The following PDE7A variants were observed in gnomAD, a reference collection of about 807,000 sequenced individuals.
PDE7A encodes the protein high affinity 3',5'-cyclic-AMP phosphodiesterase 7A.
In PDE7A, 39 loss-of-function variants were observed where a neutral mutation model predicts 64.3. The ratio of observed to expected loss-of-function variants is 0.61; its 90% confidence interval spans 0.47 to 0.79. The LOEUF (loss-of-function observed/expected upper bound fraction) is 0.79, where lower values mean the gene tolerates loss of function less well. PDE7A is among the 30% of genes least tolerant of loss of function. The probability of loss-of-function intolerance (pLI) is 0.00; values close to 1 mark genes in which losing one functional copy is unlikely to be tolerated. For missense variants in PDE7A, 470 were observed against 582.8 expected (o/e 0.81, Z 1.99); for synonymous variants, 203 against 206.8 (o/e 0.98, Z 0.16).
At chr8:65,814,102 G>A (rs779907774) in intron 1 of PDE7A, among the ~76,000 whole-genome samples, 2 of 151,930 alleles carry the variant, frequency 1.3e-5, no homozygotes, top group Non-Finnish European at 2.9e-5. Flanking sequence ...CATAACCAAT[G>A]CAGTAACACA....
chr8:65,719,708 A>C, intron 12 of PDE7A: 1 of 560,886 alleles, frequency 1.8e-6, no homozygotes, highest in Non-Finnish European at 3.2e-6. Flanking sequence ...TGGAAATTTG[A>C]GTAAAAGTGA....
intron 1 of PDE7A, among the ~76,000 whole-genome samples, chr8:65,818,724 G>A (rs1810472156): frequency 6.6e-6 from 1 of 152,130 alleles, no homozygotes; most frequent in Non-Finnish European, 1.5e-5. Context: ...AATACCTTAG[G>A]CTTTCTAAGG....
intron 3 of PDE7A, among the ~76,000 whole-genome samples, chr8:65,760,199 T>C (rs4236944): frequency 0.18 from 27,649 of 152,138 alleles, 3,210 homozygotes; most frequent in East Asian, 0.52. Flanking sequence ...AAGATCGTGC[T>C]ACTGCACTCC....
chr8:65,780,940 C>T (rs1479620928), intron 2 of PDE7A: 1 of 152,256 alleles, frequency 6.6e-6, no homozygotes, highest in East Asian at 1.9e-4. Context: ...TGTGGCCATT[C>T]CTTCATGCTG....
intron 9 of PDE7A, among the ~76,000 whole-genome samples, chr8:65,726,195 C>T (rs1806600542): frequency 6.6e-6 from 1 of 152,142 alleles, no homozygotes; most frequent in South Asian, 2.1e-4. Flanking sequence ...CGTGCATTTT[C>T]CCTCAGTGCA....
Position 65,779,784 on chromosome 8 carries a change from G to T in PDE7A, c.219C>A (p.Ser73Arg). The change falls in exon 3 of 13, where the codon AGC (serine) becomes AGA (arginine). Residue 73 changes from serine to arginine, a missense_variant. Transcript: ENST00000401827. ...IRMLGDVRVR[S>R]RAGFESERRG... ...TTCTTTCTGATTCAAATCCTGCTCG[G>T]CTCCTTACACGTACATCTCCTGGAC... is the stretch of plus-strand genomic sequence containing the variant. 1.3e-6 allele frequency: 2 copies of T among 1,598,222 alleles called. No individual in the cohort carries two copies. The highest frequency in any genetic ancestry group is 2.3e-5 in the East Asian group (1 of 44,196).
At chr8:65,754,524 G>A (rs571276246) in intron 3 of PDE7A, among the ~76,000 whole-genome samples, 7 of 151,150 alleles carry the variant, frequency 4.6e-5, no homozygotes, top group African/African-American at 1.7e-4. Flanking sequence ...TTTTAGTAGA[G>A]ATGGGGTTTC....
chr8:65,777,326 G>A (rs536003517), intron 3 of PDE7A, among the ~76,000 whole-genome samples: 6 of 152,014 alleles, frequency 3.9e-5, no homozygotes, highest in East Asian at 3.9e-4. Context: ...TGATCCGCCC[G>A]CCTCAGCCTC....
chr8:65,800,044 T>C (rs1238254008), intron 1 of PDE7A, among the ~76,000 whole-genome samples: 1 of 152,088 alleles, frequency 6.6e-6, no homozygotes, highest in East Asian at 1.9e-4. Flanking sequence ...AAGAAGGTAA[T>C]AGTAGCCTAA....
chr8:65,730,858 G>T (rs1008823329), intron 7 of PDE7A, among the ~76,000 whole-genome samples: 2 of 152,202 alleles, frequency 1.3e-5, no homozygotes, highest in Non-Finnish European at 2.9e-5. Flanking sequence ...AGGAGGTGGA[G>T]GTTGCAGTGA....
intron 1 of PDE7A, among the ~76,000 whole-genome samples, chr8:65,823,203 A>G (rs770734421): frequency 6.6e-6 from 1 of 152,170 alleles, no homozygotes; most frequent in Non-Finnish European, 1.5e-5. Context: ...CACCTCAAAT[A>G]GAAATGAGCT....
chr8:65,762,127 C>T (rs1183949418), intron 3 of PDE7A, among the ~76,000 whole-genome samples: 1 of 152,096 alleles, frequency 6.6e-6, no homozygotes, highest in Non-Finnish European at 1.5e-5. Flanking sequence ...TTAATTCAGT[C>T]CTATAAGGTT....
chr8:65,787,329 G>T (rs1809585321), intron 1 of PDE7A, among the ~76,000 whole-genome samples: 1 of 152,144 alleles, frequency 6.6e-6, no homozygotes, highest in South Asian at 2.1e-4. Context: ...TAAACTGATG[G>T]TTAAAGGGCT....
At chr8:65,787,910 A>C (rs1809605066) in intron 1 of PDE7A, among the ~76,000 whole-genome samples, 1 of 152,220 alleles carries the variant, frequency 6.6e-6, no homozygotes, top group East Asian at 1.9e-4. Flanking sequence ...AATAGCTGTC[A>C]CTGCAACAAA....
chr8:65,763,395 G>C (rs1808608450), intron 3 of PDE7A, among the ~76,000 whole-genome samples: 2 of 152,218 alleles, frequency 1.3e-5, no homozygotes, highest in South Asian at 2.1e-4. Context: ...GTGAAACCCT[G>C]TCTCTACTAA....
intron 5 of PDE7A, among the ~76,000 whole-genome samples, chr8:65,741,395 G>A (rs1239315035): frequency 6.6e-6 from 1 of 152,118 alleles, no homozygotes; most frequent in Non-Finnish European, 1.5e-5. Context: ...GGATAATAAA[G>A]GACTGTTTGG....
chr8:65,798,195 TA>T (rs1563511761), intron 1 of PDE7A, among the ~76,000 whole-genome samples: 10 of 25,494 alleles, frequency 3.9e-4, no homozygotes, highest in African/African-American at 1.4e-3. Flanking sequence ...TATATATATA[TA>T]TATATATATA....
rs1483865634 is a variant in PDE7A, at chr8:65,717,747, G to C, written c.*1543C>G. 2 of 152,166 alleles carry C rather than the reference G, an allele frequency of 1.3e-5. No individual in the cohort carries two copies. Among genetic ancestry groups the C allele is most frequent in the African/African-American group, 2.4e-5 (1 of 41,438 alleles). 9.4% of individuals were successfully genotyped at this position (152,166 alleles called of 1,614,324 possible). On this transcript the variant is annotated 3_prime_UTR_variant, in exon 13 of 13. Coordinates refer to ENST00000401827, the MANE Select transcript of PDE7A (RefSeq NM_001242318.3). ...AACAGGCACATATTAAAATGAGTAT[G>C]GCAAAGCCTTTTACAAATGGCTTTA...
chr8:65,784,095 G>C (rs1464713351), intron 1 of PDE7A, among the ~76,000 whole-genome samples: 1 of 152,128 alleles, frequency 6.6e-6, no homozygotes, highest in African/African-American at 2.4e-5. Flanking sequence ...TGTAATCCCA[G>C]ATACTTGGGA....
Sources: gnomAD v4.1 joint callset for allele counts (sites outside exome capture counted in the v4.1 genomes callset) on GRCh38, gnomAD v4.1.1 for gene constraint, MANE v1.5 for transcripts, NCBI Gene and HGNC (gene_info 2026-07-23, HGNC 2026-07-21) for gene names.